PLIN1: variants seen among roughly 807,000 people sequenced by gnomAD.
PLIN1 encodes perilipin 1.
A neutral mutation model predicts 45.8 loss-of-function variants in PLIN1; 37 were observed. That is an observed-to-expected ratio of 0.81 (90% CI 0.62 to 1.06). The LOEUF is 1.06. Ranked by LOEUF, PLIN1 falls within the 50% of genes least tolerant of loss-of-function variation. The probability of loss-of-function intolerance (pLI) is 0.00; values close to 1 mark genes in which losing one functional copy is unlikely to be tolerated. For synonymous variants in PLIN1, 340 were observed against 309.2 expected (o/e 1.10, Z -1.05); for missense variants, 776 against 716.5 (o/e 1.08, Z -0.95).
intron 2 of PLIN1, among the ~76,000 whole-genome samples, chr15:89,675,183 G>A (rs539470567): frequency 6.6e-6 from 1 of 152,268 alleles, no homozygotes; most frequent in East Asian, 1.9e-4. Flanking sequence ...CGTGCTGGGT[G>A]TAGTGGAACA....
chr15:89,674,788 C>T (rs1034782905), intron 2 of PLIN1, among the ~76,000 whole-genome samples: 10 of 152,098 alleles, frequency 6.6e-5, no homozygotes, highest in Non-Finnish European at 8.8e-5. Context: ...TTCCTAACTT[C>T]GTTTACAAAT....
rs532150043 is a variant in PLIN1, at chr15:89,664,630, T to C, written c.*953A>G. On this transcript the variant is annotated 3_prime_UTR_variant, in exon 9 of 9. Transcript: ENST00000300055. ...TGTGTAAACACAAGCGGGGAGTGCA[T>C]ACACACGTGCCTGCAGGTGCATAGC... The C allele has an allele frequency of 6.2e-5, 21 of 336,928 alleles. No individual in the cohort carries two copies. The highest frequency in any genetic ancestry group is 3.9e-4 in the African/African-American group (18 of 46,302). 20.9% of individuals were successfully genotyped at this position (336,928 alleles called of 1,614,324 possible).
In PLIN1 at chr15:89,669,997, G is replaced by T; in HGVS notation, c.581C>A (p.Pro194Gln). 1.2e-6 allele frequency: 2 copies of T among 1,611,996 alleles called. No homozygotes were observed. Among genetic ancestry groups the T allele is most frequent in the Non-Finnish European group, 1.7e-6 (2 of 1,179,440 alleles). The part of the protein sequence containing the change: ...IEKVVEYLLP[P>Q]DKEESAPAPG... ...GCAGGTACCTGACTCTTCCTTGTCT[G>T]GAGGGAGGAGGTACTCCACCACCTT... The change falls in exon 5 of 9, where the codon CCA becomes CAA. Residue 194 changes from proline (P) to glutamine (Q), a missense_variant. Transcript: ENST00000300055.
At position 89,666,941 on chromosome 15, in the gene PLIN1, C is replaced by T. The variant is rs189637126; in HGVS notation, c.1204G>A (p.Val402Met). Residue 402 changes from valine to methionine, a missense_variant, in exon 8 of 9, where the codon GTG becomes ATG. Val to Met is a conservative substitution (Grantham distance 21). Coordinates refer to ENST00000300055, the MANE Select transcript of PLIN1 (RefSeq NM_002666.5). ...DNVVDTVVHYVPLPRLSLMEP... is the reference protein window; with the variant it reads ...DNVVDTVVHYMPLPRLSLMEP... Reference sequence around the variant, plus strand: ...TTGCCAGGGGTGGTACTCACCGGCACGTAATGCACCACTGTGTCCACCACG... The same window carrying T: ...TTGCCAGGGGTGGTACTCACCGGCATGTAATGCACCACTGTGTCCACCACG... The T allele has an allele frequency of 5.6e-5, 90 of 1,614,000 alleles. No individual in the cohort carries two copies. In the East Asian group the frequency reaches 1.1e-3, roughly 20 times the overall value.
At position 89,666,976 on chromosome 15, in the gene PLIN1, A is replaced by G; in HGVS notation, c.1169T>C (p.Val390Ala). 1 of 1,614,104 alleles carries G rather than the reference A, an allele frequency of 6.2e-7. No individual in the cohort carries two copies. The highest frequency in any genetic ancestry group is 1.7e-4 in the Middle Eastern group (1 of 6,052). Residue 390 changes from valine (V) to alanine (A), a missense_variant, in exon 8 of 9, where the codon GTT becomes GCT. Transcript: ENST00000300055. Reference sequence around the variant, plus strand: ...CACTGTGTCCACCACGTTGTCAGTAACGCCCTTCAGGGCATCTGATAGGGA... The same window carrying G: ...CACTGTGTCCACCACGTTGTCAGTAGCGCCCTTCAGGGCATCTGATAGGGA... The part of the protein sequence containing the change: ...AMSLSDALKG[V>A]TDNVVDTVVH...
chr15:89,669,384 T>C, intron 6 of PLIN1, 116 bp downstream of exon 6: 1 of 923,688 alleles, frequency 1.1e-6, no homozygotes, highest in Admixed American at 1.7e-5. Context: ...CAGCCCACGT[T>C]GGAAGAGAGA....
intron 2 of PLIN1, 32 bp downstream of exon 2, chr15:89,677,413 T>C: frequency 1.3e-6 from 2 of 1,583,480 alleles, no homozygotes; most frequent in Non-Finnish European, 1.7e-6. Context: ...CAGTTGTCCA[T>C]CCCCTGTCAC....
chr15:89,668,437 A>G, intron 6 of PLIN1, among the ~76,000 whole-genome samples: 1 of 152,180 alleles, frequency 6.6e-6, no homozygotes, highest in South Asian at 2.1e-4. Context: ...TACACTTAAG[A>G]GTGGAACTGC....
At position 89,667,680 on chromosome 15, in the gene PLIN1, A is replaced by G. The variant is rs1036794571; in HGVS notation, c.885T>C (p.His295=). ...CTCCCTCCGTGTCTGTCTGGTCCTC[A>G]TGATCCTCCTCCTGGGCGGCTGCGA... ...HSLAAAQEED[H]EDQTDTEGED... Residue 295 remains histidine, a synonymous_variant, in exon 7 of 9, where the codon CAT becomes CAC. Coordinates refer to ENST00000300055, the MANE Select transcript of PLIN1 (RefSeq NM_002666.5). 6 of 1,603,130 alleles carry G rather than the reference A, an allele frequency of 3.7e-6. No homozygotes were observed. The highest frequency in any genetic ancestry group is 2.7e-5 in the African/African-American group (2 of 74,726).
chr15:89,666,185 C>T (rs1964337400), intron 8 of PLIN1, among the ~76,000 whole-genome samples: 1 of 152,218 alleles, frequency 6.6e-6, no homozygotes, highest in African/African-American at 2.4e-5. Flanking sequence ...TCAGGATCCC[C>T]TAGGCCTTCC....
At position 89,665,521 on chromosome 15, in the gene PLIN1, C is replaced by T; in HGVS notation, c.*62G>A. The stretch of plus-strand genomic sequence containing the variant: ...AGTGGCAACGCTCGCCTGGGCAGTG[C>T]GGGTTCTGTTTATTTGTTAGAGAAA... On this transcript the variant is annotated 3_prime_UTR_variant, in exon 9 of 9. Coordinates refer to ENST00000300055, the MANE Select transcript of PLIN1 (RefSeq NM_002666.5). 1 of 1,495,368 alleles carries T rather than the reference C, an allele frequency of 6.7e-7. No individual in the cohort carries two copies. 92.6% of individuals were successfully genotyped at this position (1,495,368 alleles called of 1,614,324 possible).
At chr15:89,678,742 C>T (rs1457769465) in intron 1 of PLIN1, among the ~76,000 whole-genome samples, 1 of 151,990 alleles carries the variant, frequency 6.6e-6, no homozygotes, top group African/African-American at 2.4e-5. Context: ...AGTGAGATGC[C>T]CATCTCTAAA....
chr15:89,665,031 G>C lies in PLIN1; in HGVS notation c.*552C>G. The C allele has an allele frequency of 2.3e-6, 1 of 429,534 alleles. No homozygotes were observed. Among genetic ancestry groups the C allele is most frequent in the East Asian group, 7.1e-5 (1 of 14,154 alleles). 26.6% of individuals were successfully genotyped at this position (429,534 alleles called of 1,614,324 possible). ...ACTAGTATTTTAAATAAACACCCAA[G>C]AGCTTTTGCATCTGATTGTTCCCTT... is the stretch of plus-strand genomic sequence containing the variant. On this transcript the variant is annotated 3_prime_UTR_variant, in exon 9 of 9. Transcript: ENST00000300055.
At position 89,665,557 on chromosome 15, in the gene PLIN1, C is replaced by T. The variant is rs773202063; in HGVS notation, c.*26G>A. 2 of 1,522,810 alleles carry T rather than the reference C, an allele frequency of 1.3e-6. No homozygotes were observed. Among genetic ancestry groups the T allele is most frequent in the South Asian group, 1.2e-5 (1 of 82,608 alleles). The allele number at this position is 1,522,810 out of a possible 1,614,324, so 94.3% of individuals were successfully genotyped here. A position where few individuals can be genotyped will look rare whatever the true frequency, so the allele number is the denominator to read the frequency against. ...TATTTGTTAGAGAAACCCGCCGGCC[C>T]GGGGCGCGGCGGCTGGTGCGGCGAC... On this transcript the variant is annotated 3_prime_UTR_variant, in exon 9 of 9. Coordinates refer to ENST00000300055, the MANE Select transcript of PLIN1 (RefSeq NM_002666.5).
rs371017292 is a variant in PLIN1, at chr15:89,667,744, C to T, written c.821G>A (p.Arg274Gln). The T allele has an allele frequency of 1.6e-5, 25 of 1,566,110 alleles. No homozygotes were observed. Among genetic ancestry groups the T allele is most frequent in the East Asian group, 9.4e-5 (4 of 42,654 alleles). Residue 274 changes from arginine (R) to glutamine (Q), a missense_variant, in exon 7 of 9, where the codon CGG becomes CAG. Coordinates refer to ENST00000300055, the MANE Select transcript of PLIN1 (RefSeq NM_002666.5). ...GASVAMQAVS[R>Q]RRSEVRVPWL... ...GGGTACCCGCACTTCGCTCCTCCGC[C>T]GGGACACCGCCTGCATGGCCACTGA...
chr15:89,677,247 C>G (rs1389501187), intron 2 of PLIN1, 198 bp downstream of exon 2: 2 of 625,946 alleles, frequency 3.2e-6, no homozygotes, highest in Non-Finnish European at 5.8e-6. Context: ...TAATAGGCAT[C>G]TTTTTTTCCC....
intron 2 of PLIN1, among the ~76,000 whole-genome samples, chr15:89,673,710 C>T (rs1340923032): frequency 6.6e-6 from 1 of 152,206 alleles, no homozygotes; most frequent in Non-Finnish European, 1.5e-5. Context: ...CCACCCCCAC[C>T]TCAGCTCACT....
chr15:89,671,488 A>AG lies in PLIN1; in HGVS notation c.326dup (p.Glu110Ter), dbSNP rs1175285567. On this transcript the variant is annotated frameshift_variant, in exon 4 of 9. Transcript: ENST00000300055. LOFTEE classifies it high-confidence loss of function. ...AGAGGTGGGAAGGGCTCACCTTTTC[A>AG]GGGGGGTACTGGAGGGCGGGGATCT... The AG allele has an allele frequency of 6.4e-7, 1 of 1,568,380 alleles. No homozygotes were observed. Among genetic ancestry groups the AG allele is most frequent in the Non-Finnish European group, 8.7e-7 (1 of 1,155,424 alleles).
In PLIN1 at chr15:89,665,941, A is replaced by T. The variant is rs983729782; in HGVS notation, c.1211T>A (p.Leu404His). 1 of 1,507,914 alleles carries T rather than the reference A, an allele frequency of 6.6e-7. No homozygotes were observed. The highest frequency in any genetic ancestry group is 8.8e-7 in the Non-Finnish European group (1 of 1,133,192). 93.4% of individuals were successfully genotyped at this position (1,507,914 alleles called of 1,614,324 possible). A position where few individuals can be genotyped will look rare whatever the true frequency, so the allele number is the denominator to read the frequency against. Residue 404 changes from leucine to histidine, a missense_variant and splice_region_variant, in exon 9 of 9, where the codon CTC (leucine) becomes CAC (histidine). Coordinates refer to ENST00000300055, the MANE Select transcript of PLIN1 (RefSeq NM_002666.5). ...GGGCTCCATCAGCGACAGCCTGGGG[A>T]GCTGAGGGCCCGGCAGCCGCCTTAG... is the stretch of plus-strand genomic sequence containing the variant. Reference protein sequence around the residue: ...VVDTVVHYVPLPRLSLMEPES... With the variant: ...VVDTVVHYVPHPRLSLMEPES...
Sources: gnomAD v4.1 joint callset for allele counts (sites outside exome capture counted in the v4.1 genomes callset) on GRCh38, gnomAD v4.1.1 for gene constraint, MANE v1.5 for transcripts, NCBI Gene and HGNC (gene_info 2026-07-23, HGNC 2026-07-21) for gene names.